The following KCNIP4 variants were observed in gnomAD, a reference collection of about 807,000 sequenced individuals.
KCNIP4 encodes Kv channel-interacting protein 4.
A neutral mutation model predicts 34.0 loss-of-function variants in KCNIP4; 12 were observed. The ratio of observed to expected loss-of-function variants is 0.35; its 90% CI spans 0.23 to 0.57. The LOEUF is 0.57. Ranked by LOEUF, KCNIP4 falls within the 20% of genes least tolerant of loss-of-function variation. The pLI, the probability that KCNIP4 is intolerant of heterozygous loss-of-function variation, is 0.83. For synonymous variants in KCNIP4, 124 were observed against 102.2 expected, an observed-to-expected ratio of 1.21 and a Z score of -1.29; for missense variants, 238 against 311.7, an observed-to-expected ratio of 0.76 and a Z score of 1.78.
chr4:21,743,651 GA>G (rs1422919540), intron 1 of KCNIP4, among the ~76,000 whole-genome samples: 4 of 150,716 alleles, frequency 2.7e-5, no homozygotes, highest in Admixed American at 6.6e-5. Context: ...TTTGTAGGGG[GA>G]GGGGGGAGAT....
chr4:21,120,683 G>A (rs1750082682), intron 1 of KCNIP4, among the ~76,000 whole-genome samples: 1 of 152,034 alleles, frequency 6.6e-6, no homozygotes, highest in Admixed American at 6.6e-5. Flanking sequence ...CAGAATGAGG[G>A]AAACCGCCCT....
rs577564683 is a variant in KCNIP4 at position 21,086,752 on chromosome 4, G to A, written c.62-204043C>T. On this transcript the variant is annotated intron_variant, in intron 1 of 8. Coordinates refer to ENST00000382152, the MANE Select transcript of KCNIP4 (RefSeq NM_025221.6). The stretch of plus-strand genomic sequence containing the variant: ...TTTTCTCCTACCATTAAGACCCTAA[G>A]CTCTTTTTTCGATTCCTTCAAGTTC... Among the ~76,000 whole-genome samples, 6 of 152,030 alleles carry A rather than the reference G, an allele frequency of 3.9e-5. No individual in the cohort carries two copies. The South Asian group carries it at 1.2e-3, about 32-fold the overall frequency.
chr4:21,025,521 A>G (rs1429302792), intron 1 of KCNIP4, among the ~76,000 whole-genome samples: 2 of 143,988 alleles, frequency 1.4e-5, no homozygotes, highest in Admixed American at 7.1e-5. Context: ...AGAGAACTGC[A>G]AAAAGGTCAC....
chr4:21,672,231 T>C (rs928727123), intron 1 of KCNIP4, among the ~76,000 whole-genome samples: 8 of 152,176 alleles, frequency 5.3e-5, no homozygotes, highest in Non-Finnish European at 1.0e-4. Flanking sequence ...TGTATACTTA[T>C]GTAACAAACC....
At chr4:21,402,761 C>G (rs1723652797) in intron 1 of KCNIP4, among the ~76,000 whole-genome samples, 1 of 152,186 alleles carries the variant, frequency 6.6e-6, no homozygotes, top group Non-Finnish European at 1.5e-5. Context: ...TTTCACTGTT[C>G]TCTGGATCCC....
chr4:20,881,748 C>T (rs146366724), intron 2 of KCNIP4, among the ~76,000 whole-genome samples: 3,173 of 152,286 alleles, frequency 0.021, 48 homozygotes, highest in Non-Finnish European at 0.035. Flanking sequence ...AAACCCTAAT[C>T]TAAGTGTTGC....
intron 1 of KCNIP4, among the ~76,000 whole-genome samples, chr4:21,915,412 T>C (rs1728573851): frequency 1.3e-5 from 2 of 152,206 alleles, no homozygotes; most frequent in Non-Finnish European, 2.9e-5. Flanking sequence ...TCATCCAATC[T>C]TTTTAACAAC....
chr4:20,747,620 A>T (rs1752648112), intron 5 of KCNIP4, among the ~76,000 whole-genome samples: 1 of 152,012 alleles, frequency 6.6e-6, no homozygotes, highest in Non-Finnish European at 1.5e-5. Context: ...GACTTAGTTC[A>T]TTCCCTCACC....
chr4:20,993,132 T>C (rs914898440), intron 1 of KCNIP4, among the ~76,000 whole-genome samples: 2 of 151,606 alleles, frequency 1.3e-5, no homozygotes, highest in Non-Finnish European at 2.9e-5. Context: ...CTCTAAGGGC[T>C]ACCTATCTGA....
At chr4:21,832,558 A>C (rs1052646417) in intron 1 of KCNIP4, among the ~76,000 whole-genome samples, 5 of 144,178 alleles carry the variant, frequency 3.5e-5, no homozygotes, top group Non-Finnish European at 7.5e-5. Flanking sequence ...AGATGAATTA[A>C]ATTCTTTTTT....
intron 1 of KCNIP4, among the ~76,000 whole-genome samples, chr4:21,147,962 A>AAAAAAAAAAAAAAAAAAAAAAG (rs1553945858): frequency 4.0e-5 from 5 of 123,870 alleles, no homozygotes; most frequent in South Asian, 2.8e-4. Flanking sequence ...AAAAAAAAAG[A>AAAAAAAAAAAAAAAAAAAAAAG]AAAAAAGTTC....
At chr4:21,678,306 T>C (rs1338824786) in intron 1 of KCNIP4, among the ~76,000 whole-genome samples, 1 of 354 alleles carries the variant, frequency 2.8e-3, no homozygotes, top group Non-Finnish European at 6.8e-3. Context: ...CTTCTTTTGA[T>C]TTTTTTTTTT....
At chr4:21,695,499 A>C (rs549928737) in intron 1 of KCNIP4, among the ~76,000 whole-genome samples, 1 of 152,040 alleles carries the variant, frequency 6.6e-6, no homozygotes, top group South Asian at 2.1e-4. Flanking sequence ...CCAAATACGC[A>C]TTGAATAAAG....
chr4:21,628,650 T>C (rs17559457), intron 1 of KCNIP4, among the ~76,000 whole-genome samples: 23,004 of 152,230 alleles, frequency 0.15, 2,085 homozygotes, highest in South Asian at 0.21. Flanking sequence ...TAACCACAGT[T>C]ATATTTATCT....
intron 1 of KCNIP4, among the ~76,000 whole-genome samples, chr4:21,683,547 C>T (rs1750565908): frequency 7.6e-6 from 1 of 131,758 alleles, no homozygotes; most frequent in Admixed American, 9.1e-5. Flanking sequence ...CAGCTCACTG[C>T]AAGCTCCACC....
chr4:21,270,896 G>A (rs377359740), intron 1 of KCNIP4, among the ~76,000 whole-genome samples: 1 of 147,068 alleles, frequency 6.8e-6, no homozygotes, highest in African/African-American at 2.5e-5. Flanking sequence ...TGAGGCAGGA[G>A]AATTGCTTGA....
At chr4:21,595,925 G>T (rs764873736) in intron 1 of KCNIP4, among the ~76,000 whole-genome samples, 1 of 152,094 alleles carries the variant, frequency 6.6e-6, no homozygotes, top group Non-Finnish European at 1.5e-5. Context: ...AAATTAAACA[G>T]AGCAGCTTCA....
chr4:20,975,681 C>T (rs1367299387), intron 1 of KCNIP4, among the ~76,000 whole-genome samples: 1 of 152,012 alleles, frequency 6.6e-6, no homozygotes, highest in Non-Finnish European at 1.5e-5. Context: ...GTTAAATTTC[C>T]AAAAAACAAT....
chr4:21,093,832 T>C (rs79904956), intron 1 of KCNIP4, among the ~76,000 whole-genome samples: 6,814 of 152,172 alleles, frequency 0.045, 232 homozygotes, highest in East Asian at 0.13. Context: ...CCTGTAATCC[T>C]AGCACTTTGG....
Sources: gnomAD v4.1 joint callset for allele counts (sites outside exome capture counted in the v4.1 genomes callset) on GRCh38, gnomAD v4.1.1 for gene constraint, MANE v1.5 for transcripts, NCBI Gene and HGNC (gene_info 2026-07-23, HGNC 2026-07-21) for gene names.